Variants in ARFIP1 observed in about 807,000 individuals in gnomAD.
ARFIP1 encodes the protein ARF interacting protein 1, also known as arfaptin-1.
A neutral mutation model predicts 42.5 loss-of-function variants in ARFIP1; 24 were observed. The observed-to-expected ratio is 0.57, with a 90% confidence interval of 0.41 to 0.80. ARFIP1 has a LOEUF of 0.80. ARFIP1 is among the 30% of genes least tolerant of loss of function. The pLI is 0.00. For missense variants in ARFIP1, 354 were observed against 434.0 expected, an observed-to-expected ratio of 0.82 and a Z score of 1.64; for synonymous variants, 141 against 153.7, an observed-to-expected ratio of 0.92 and a Z score of 0.61.
chr4:152,829,868 T>TG, intron 2 of ARFIP1, 142 bp downstream of exon 2: 1 of 591,470 alleles, frequency 1.7e-6, no homozygotes, highest in South Asian at 4.0e-5. Context: ...TATATAGGGA[T>TG]GACAAGGAAG....
At chr4:152,807,701 G>A (rs1263008121) in intron 1 of ARFIP1, among the ~76,000 whole-genome samples, 5 of 151,342 alleles carry the variant, frequency 3.3e-5, no homozygotes, top group Non-Finnish European at 5.9e-5. Context: ...CTCCTAGTCT[G>A]TGGTTCACCT....
intron 2 of ARFIP1, among the ~76,000 whole-genome samples, chr4:152,851,089 T>C (rs1264977772): frequency 6.6e-6 from 1 of 152,250 alleles, no homozygotes; most frequent in African/African-American, 2.4e-5. Context: ...TTTGTCCCTT[T>C]TGAAGCATGA....
intron 8 of ARFIP1, among the ~76,000 whole-genome samples, chr4:152,900,118 A>C (rs1227262905): frequency 1.3e-5 from 2 of 149,486 alleles, no homozygotes; most frequent in African/African-American, 4.9e-5. Context: ...CTTGGAAGGA[A>C]GGAAGGAAGG....
intron 1 of ARFIP1, among the ~76,000 whole-genome samples, chr4:152,822,296 T>TAAAA (rs70949618): frequency 6.6e-4 from 43 of 65,540 alleles, no homozygotes; most frequent in African/African-American, 1.0e-3. Flanking sequence ...GCAACAGCAG[T>TAAAA]AAAAAAAAAA....
rs118024016 is a variant in ARFIP1, at chr4:152,840,591, A to G, written c.93+10865A>G. On this transcript the variant is annotated intron_variant, in intron 2 of 8. Transcript: ENST00000353617. ...CTATCCCTGCTCGCTTTTTGTGTGC[A>G]TTGGCATAAAATGCCTTTTACCACT... 2.1e-3 allele frequency among the ~76,000 whole-genome samples: 313 copies of G among 152,184 alleles called. No individual in the cohort carries two copies. In the East Asian group the frequency reaches 0.029, roughly 14 times the overall value.
chr4:152,798,669 T>TA (rs1731620310), intron 1 of ARFIP1, among the ~76,000 whole-genome samples: 1 of 152,162 alleles, frequency 6.6e-6, no homozygotes, highest in South Asian at 2.1e-4. Flanking sequence ...ATTTCTAGAG[T>TA]AAAAATTTGT....
At chr4:152,808,736 C>T (rs1195216527) in intron 1 of ARFIP1, among the ~76,000 whole-genome samples, 4 of 152,094 alleles carry the variant, frequency 2.6e-5, no homozygotes, top group Admixed American at 6.5e-5. Flanking sequence ...AGCTGAATGA[C>T]TTTGTAGCTC....
intron 1 of ARFIP1, among the ~76,000 whole-genome samples, chr4:152,795,366 A>G (rs1464737517): frequency 6.6e-6 from 1 of 151,930 alleles, no homozygotes; most frequent in Non-Finnish European, 1.5e-5. Flanking sequence ...ATTTCCCCCC[A>G]CAGTTGCATA....
At chr4:152,784,833 G>T (rs1162260069) in intron 1 of ARFIP1, among the ~76,000 whole-genome samples, 3 of 152,254 alleles carry the variant, frequency 2.0e-5, no homozygotes, top group Non-Finnish European at 2.9e-5. Context: ...CCTAAGATAA[G>T]AATTTATATT....
At chr4:152,829,457 G>C (rs1731097680) in intron 1 of ARFIP1, among the ~76,000 whole-genome samples, 168 bp from the exon 2 acceptor site, 2 of 152,142 alleles carry the variant, frequency 1.3e-5, no homozygotes, top group South Asian at 4.1e-4. Context: ...AGTTAAAGCA[G>C]CCAGATGGAA....
chr4:152,881,225 GAT>G, intron 6 of ARFIP1, 41 bp downstream of exon 6: 1 of 1,418,042 alleles, frequency 7.1e-7, no homozygotes, highest in Non-Finnish European at 9.8e-7. Context: ...GGGAGAAAAT[GAT>G]AATAGAAGTA....
intron 8 of ARFIP1, among the ~76,000 whole-genome samples, chr4:152,906,307 C>A (rs961445875): frequency 6.6e-6 from 1 of 152,216 alleles, no homozygotes; most frequent in Non-Finnish European, 1.5e-5. Context: ...TAAGAGATAT[C>A]TCAAGCATGT....
Position 152,846,793 on chromosome 4 carries a change from G to A in ARFIP1, c.94-16813G>A, listed in dbSNP as rs148865560. 2.0e-5 allele frequency among the ~76,000 whole-genome samples: 3 copies of A among 152,104 alleles called. No individual in the cohort carries two copies. The East Asian group carries it at 5.8e-4, about 29-fold the overall frequency. On this transcript the variant is annotated intron_variant, in intron 2 of 8. Coordinates refer to ENST00000353617, the MANE Select transcript of ARFIP1 (RefSeq NM_001025595.3). ...TATACTTGTTTAAAATCTTATAATGGCTTTTGTTGAATGCATAATGCACTT... is the reference window on the plus strand; with the variant it reads ...TATACTTGTTTAAAATCTTATAATGACTTTTGTTGAATGCATAATGCACTT...
At chr4:152,870,726 TCA>T in intron 3 of ARFIP1, 25 bp from the exon 4 acceptor site, 1 of 1,538,784 alleles carries the variant, frequency 6.5e-7, no homozygotes, top group South Asian at 1.1e-5. Context: ...AAAAGGATTT[TCA>T]CAGTTAAAAT....
intron 8 of ARFIP1, among the ~76,000 whole-genome samples, chr4:152,907,563 A>G (rs1738471903): frequency 1.3e-5 from 2 of 152,216 alleles, no homozygotes; most frequent in Non-Finnish European, 2.9e-5. Context: ...GGTTTTCTTT[A>G]TAGTTTTGCC....
intron 3 of ARFIP1, among the ~76,000 whole-genome samples, chr4:152,868,983 A>C (rs138930049): frequency 4.5e-4 from 69 of 152,314 alleles, no homozygotes; most frequent in African/African-American, 1.5e-3. Flanking sequence ...GTTGATTTCC[A>C]TCATCCCTTC....
At chr4:152,901,056 C>T (rs1579043408) in intron 8 of ARFIP1, among the ~76,000 whole-genome samples, 1 of 152,106 alleles carries the variant, frequency 6.6e-6, no homozygotes. Context: ...CCTGCAATTA[C>T]TTTTGCACCA....
At chr4:152,831,212 A>G (rs1279580244) in intron 2 of ARFIP1, among the ~76,000 whole-genome samples, 11 of 152,162 alleles carry the variant, frequency 7.2e-5, no homozygotes, top group Admixed American at 7.2e-4. Context: ...TCTTCATCTT[A>G]TTTTTGGTAA....
intron 2 of ARFIP1, among the ~76,000 whole-genome samples, chr4:152,849,559 C>A (rs1207805342): frequency 1.3e-5 from 2 of 151,974 alleles, no homozygotes; most frequent in African/African-American, 4.8e-5. Flanking sequence ...GTGGGTGAGG[C>A]CAAGAGGGTA....
Sources: allele counts gnomAD v4.1 joint callset (sites outside exome capture counted in the v4.1 genomes callset), GRCh38; gene constraint gnomAD v4.1.1; transcripts MANE v1.5; gene names NCBI Gene and HGNC (gene_info 2026-07-23, HGNC 2026-07-21).